The following KHDC1 variants were observed in gnomAD, a reference collection of about 807,000 sequenced individuals.
KHDC1 encodes KH domain containing 1.
Under a neutral mutation model 24.7 loss-of-function variants are expected in KHDC1, and 21 were observed. That is an observed-to-expected ratio of 0.85 (90% CI 0.60 to 1.23). The LOEUF (loss-of-function observed/expected upper bound fraction) is 1.23, where lower values mean the gene tolerates loss of function less well. KHDC1 is among the 50% of genes most tolerant of loss of function. KHDC1 has a pLI of 0.00. For synonymous variants in KHDC1, 98 were observed against 111.7 expected, an observed-to-expected ratio of 0.88 and a Z score of 0.77; for missense variants, 274 against 298.5, an observed-to-expected ratio of 0.92 and a Z score of 0.61.
chr6:73,246,817 T>C (rs1382629883), intron 2 of KHDC1, among the ~76,000 whole-genome samples: 1 of 152,072 alleles, frequency 6.6e-6, no homozygotes, highest in African/African-American at 2.4e-5. Flanking sequence ...TTGCAGAACA[T>C]CAAGCAAACC....
chr6:73,290,986 T>A (rs1203991910), intron 2 of KHDC1: 2 of 362,300 alleles, frequency 5.5e-6, no homozygotes, highest in Admixed American at 6.9e-5. Context: ...CCCATGATCA[T>A]GCCTGATCTC....
chr6:73,276,708 G>A (rs949817701), intron 2 of KHDC1, among the ~76,000 whole-genome samples: 1 of 152,184 alleles, frequency 6.6e-6, no homozygotes, highest in Non-Finnish European at 1.5e-5. Context: ...CCTCAGTGCA[G>A]TGGGATAAAA....
At chr6:73,303,467 C>G (rs1767911991) in intron 1 of KHDC1, among the ~76,000 whole-genome samples, 1 of 152,180 alleles carries the variant, frequency 6.6e-6, no homozygotes, top group African/African-American at 2.4e-5. Context: ...TCTGAAGTAT[C>G]TCCTCCACAA....
At chr6:73,307,030 A>G (rs1187185127) in intron 1 of KHDC1, among the ~76,000 whole-genome samples, 1 of 151,828 alleles carries the variant, frequency 6.6e-6, no homozygotes, top group African/African-American at 2.4e-5. Flanking sequence ...TTTCACTTAA[A>G]CCCCCAAACA....
rs1767018375 is a variant in KHDC1, at chr6:73,263,211, C to T, written c.207-20681G>A. ...CGAGCGGAAGTGGCGGCGACCCCGC[C>T]GGAAGCGCGCGGCTGCGGCGCGGGA... On this transcript the variant is annotated intron_variant, in intron 2 of 4. Transcript: ENST00000370384. 4 of 987,092 alleles carry T rather than the reference C, an allele frequency of 4.1e-6. No individual in the cohort carries two copies. Among genetic ancestry groups the T allele is most frequent in the Non-Finnish European group, 4.8e-6 (4 of 830,798 alleles). 61.1% of individuals were successfully genotyped at this position (987,092 alleles called of 1,614,324 possible).
intron 1 of KHDC1, among the ~76,000 whole-genome samples, chr6:73,306,366 T>A (rs1767962278): frequency 6.6e-6 from 1 of 152,070 alleles, no homozygotes; most frequent in Non-Finnish European, 1.5e-5. Flanking sequence ...CCCCAGCCTC[T>A]CCGTTCCCAG....
At chr6:73,271,603 C>T (rs1392312368) in intron 2 of KHDC1, among the ~76,000 whole-genome samples, 1 of 151,606 alleles carries the variant, frequency 6.6e-6, no homozygotes, top group East Asian at 1.9e-4. Flanking sequence ...ATTAAGAAGA[C>T]TGAGGTTAGG....
chr6:73,292,945 T>C, intron 1 of KHDC1: 1 of 864,844 alleles, frequency 1.2e-6, no homozygotes, highest in East Asian at 3.0e-5. Context: ...TCATTGACAA[T>C]GCCCATCTCT....
At chr6:73,242,117 C>T in exon 4 of KHDC1, 1 of 1,614,198 alleles carries the variant, frequency 6.2e-7, no homozygotes, top group Non-Finnish European at 8.5e-7. Flanking sequence ...CAGCCACTGC[C>T]TTGCCCTGTG....
intron 2 of KHDC1, among the ~76,000 whole-genome samples, chr6:73,253,568 TA>T (rs1766823316): frequency 6.7e-6 from 1 of 150,308 alleles, no homozygotes; most frequent in Non-Finnish European, 1.5e-5. Context: ...AAAAAATAAA[TA>T]AATAATAAAA....
At chr6:73,293,155 GA>G (rs1429094593) in intron 1 of KHDC1, 45 of 754,458 alleles carry the variant, frequency 6.0e-5, no homozygotes, top group Middle Eastern at 3.9e-4. Flanking sequence ...GCAAGTGATT[GA>G]AAAGACCAAA....
At chr6:73,258,583 T>G (rs779394417) in intron 2 of KHDC1, among the ~76,000 whole-genome samples, 3 of 152,230 alleles carry the variant, frequency 2.0e-5, no homozygotes. Context: ...TCACAGCTCA[T>G]GCTGTTAGTA....
chr6:73,297,754 A>G (rs1371985352), intron 1 of KHDC1, among the ~76,000 whole-genome samples: 5 of 152,198 alleles, frequency 3.3e-5, no homozygotes, highest in African/African-American at 1.2e-4. Flanking sequence ...ATACATGGCA[A>G]GCAGAGCCCA....
At chr6:73,305,100 T>C (rs1417127721) in intron 1 of KHDC1, among the ~76,000 whole-genome samples, 2 of 151,916 alleles carry the variant, frequency 1.3e-5, no homozygotes, top group East Asian at 1.9e-4. Flanking sequence ...TAGCTGGGCA[T>C]GGTGGCAGAC....
chr6:73,250,717 A>C (rs1766763978), intron 2 of KHDC1, among the ~76,000 whole-genome samples: 1 of 152,234 alleles, frequency 6.6e-6, no homozygotes, highest in Non-Finnish European at 1.5e-5. Flanking sequence ...TCCACTCTCC[A>C]AGGAGGGACA....
chr6:73,290,185 GGAAATCGCTT>G (rs1767619821), intron 2 of KHDC1, among the ~76,000 whole-genome samples: 1 of 151,690 alleles, frequency 6.6e-6, no homozygotes, highest in Non-Finnish European at 1.5e-5. Flanking sequence ...GCTGAGGCAG[GGAAATCGCTT>G]GAACCCGGGA....
chr6:73,241,588 G>A (rs1766567468), exon 5 of KHDC1: 2 of 1,614,166 alleles, frequency 1.2e-6, no homozygotes, highest in Non-Finnish European at 1.7e-6. Context: ...TAAGGGGAAG[G>A]CTGAGGAACG....
chr6:73,277,620 G>A (rs1189567620), intron 2 of KHDC1, among the ~76,000 whole-genome samples: 1 of 152,024 alleles, frequency 6.6e-6, no homozygotes, highest in Non-Finnish European at 1.5e-5. Flanking sequence ...GGAGACCGAG[G>A]CAGGAAGATT....
At chr6:73,242,083 C>T (rs759829191) in exon 4 of KHDC1, 1 of 1,613,712 alleles carries the variant, frequency 6.2e-7, no homozygotes, top group Admixed American at 1.7e-5. Flanking sequence ...AGTCCTGGCT[C>T]CCCACACAAC....
Sources: allele counts gnomAD v4.1 joint callset (sites outside exome capture counted in the v4.1 genomes callset), GRCh38; gene constraint gnomAD v4.1.1; transcripts MANE v1.5; gene names NCBI Gene and HGNC (gene_info 2026-07-23, HGNC 2026-07-21).